MACF1: variants seen among roughly 807,000 people sequenced by gnomAD.
MACF1 encodes the protein microtubule-actin cross-linking factor 1.
Under a neutral mutation model 854.8 loss-of-function variants are expected in MACF1, and 193 were observed. The ratio of observed to expected loss-of-function variants is 0.23; its 90% CI spans 0.20 to 0.25. The LOEUF (loss-of-function observed/expected upper bound fraction) is 0.25, where lower values mean the gene tolerates loss of function less well. Ranked by LOEUF, MACF1 falls within the 10% of genes least tolerant of loss-of-function variation. The probability of loss-of-function intolerance (pLI) is 1.00; values close to 1 mark genes in which losing one functional copy is unlikely to be tolerated. For synonymous variants in MACF1, 3,185 were observed against 3,226.7 expected (o/e 0.99, Z 0.44); for missense variants, 7,722 against 8,929.1 (o/e 0.86, Z 5.45).
intron 7 of MACF1, among the ~76,000 whole-genome samples, chr1:39,282,828 G>A (rs890983542): frequency 4.6e-5 from 7 of 152,204 alleles, no homozygotes; most frequent in South Asian, 4.1e-4. Context: ...CTTGCTTAGA[G>A]TGGTTTAGGG....
intron 58 of MACF1, among the ~76,000 whole-genome samples, chr1:39,401,498 C>T (rs1257751748): frequency 6.6e-6 from 1 of 152,156 alleles, no homozygotes; most frequent in African/African-American, 2.4e-5. Context: ...CAGAAGCAAG[C>T]AGCTTAAAAT....
intron 48 of MACF1, 91 bp from the exon 49 acceptor site, chr1:39,361,269 C>A: frequency 7.8e-7 from 1 of 1,284,608 alleles, no homozygotes; most frequent in Non-Finnish European, 1.1e-6. Context: ...CCTCCAGTCC[C>A]CCTTGTGAGA....
intron 70 of MACF1, among the ~76,000 whole-genome samples, chr1:39,437,288 A>T (rs113233748): frequency 0.011 from 1,613 of 149,578 alleles, 25 homozygotes; most frequent in African/African-American, 0.037. Context: ...TGCCCAAAAC[A>T]GTTTTGTTGT....
At chr1:39,430,199 A>C (rs1247822983) in intron 65 of MACF1, 131 bp downstream of exon 65, 1 of 976,002 alleles carries the variant, frequency 1.0e-6, no homozygotes, top group African/African-American at 1.6e-5. Context: ...ATGGACAGTA[A>C]GATTTGACAT....
intron 91 of MACF1, chr1:39,459,720 G>A (rs1190926032): frequency 1.2e-5 from 8 of 673,180 alleles, no homozygotes; most frequent in South Asian, 5.8e-5. Flanking sequence ...CTATTTTGAA[G>A]TGTCATTACC....
chr1:39,233,032 TG>T (rs1644802700), intron 2 of MACF1, among the ~76,000 whole-genome samples: 3 of 84,834 alleles, frequency 3.5e-5, no homozygotes, highest in South Asian at 5.6e-4. Flanking sequence ...GTTGTTGTTG[TG>T]TTTTGTTTTT....
intron 2 of MACF1, among the ~76,000 whole-genome samples, chr1:39,169,773 CTTT>C (rs11335031): frequency 1.8e-4 from 18 of 97,488 alleles, no homozygotes; most frequent in Non-Finnish European, 2.0e-4. Context: ...TTCTTTCTTT[CTTT>C]TTTTTTTTTT....
rs534003944 is a variant in MACF1, at chr1:39,395,220, G to T, written c.15816+6562G>T. On this transcript the variant is annotated intron_variant, in intron 58 of 100. Transcript: ENST00000564288. ...TTTCTGACCTAGTAACTTCCCAGTT[G>T]TACAACTAAAAATGTCTCCCTGGAA... 2.0e-5 allele frequency among the ~76,000 whole-genome samples: 3 copies of T among 152,272 alleles called. No individual in the cohort carries two copies. The South Asian group carries it at 6.2e-4, about 32-fold the overall frequency.
At chr1:39,451,371 A>G (rs935584770) in intron 85 of MACF1, among the ~76,000 whole-genome samples, 160 bp downstream of exon 85, 8 of 152,218 alleles carry the variant, frequency 5.3e-5, no homozygotes, top group East Asian at 1.9e-4. Flanking sequence ...GAGATTCTGC[A>G]TTAGTCACAA....
intron 2 of MACF1, among the ~76,000 whole-genome samples, chr1:39,145,814 CT>C (rs1416153346): frequency 6.6e-6 from 1 of 152,186 alleles, no homozygotes. Flanking sequence ...TGATGACTCT[CT>C]TGTCAGAATC....
chr1:39,176,588 T>C (rs938354409), intron 2 of MACF1, among the ~76,000 whole-genome samples: 3 of 152,272 alleles, frequency 2.0e-5, no homozygotes, highest in South Asian at 4.1e-4. Flanking sequence ...CTGTAGAAAA[T>C]TTCTGCTTAT....
At chr1:39,297,329 A>G (rs571754631) in intron 20 of MACF1, among the ~76,000 whole-genome samples, 3 of 152,144 alleles carry the variant, frequency 2.0e-5, no homozygotes, top group Non-Finnish European at 4.4e-5. Context: ...CCACAGCCAA[A>G]TGCTGTACCT....
intron 2 of MACF1, among the ~76,000 whole-genome samples, chr1:39,089,504 T>C (rs1417104438): frequency 6.6e-6 from 1 of 152,194 alleles, no homozygotes; most frequent in African/African-American, 2.4e-5. Flanking sequence ...TATATTCACG[T>C]TCATTGTTCC....
At chr1:39,371,090 G>A (rs1649189920) in intron 51 of MACF1, among the ~76,000 whole-genome samples, 1 of 152,068 alleles carries the variant, frequency 6.6e-6, no homozygotes, top group Non-Finnish European at 1.5e-5. Flanking sequence ...GGAGGCCGAG[G>A]CGGGTGGATC....
rs781148187 is a variant in MACF1, at chr1:39,388,407, G to A, written c.15565G>A (p.Glu5189Lys). 8.1e-6 allele frequency: 13 copies of A among 1,614,136 alleles called. No homozygotes were observed. The highest frequency in any genetic ancestry group is 1.1e-5 in the Non-Finnish European group (13 of 1,180,010). The change falls in exon 58 of 101, where the codon GAA (glutamate) becomes AAA (lysine). Residue 5189 changes from glutamate (E) to lysine (K), a missense_variant. Transcript: ENST00000564288. ...AGCAGAGTGTCGACATATGCTAGAA[G>A]AAGAGGGGACTCTGGATTTGTTAGG... ...SEAECRHMLE[E>K]EGTLDLLGLK...
intron 58 of MACF1, among the ~76,000 whole-genome samples, chr1:39,417,809 C>T (rs1643384551): frequency 7.2e-6 from 1 of 138,268 alleles, no homozygotes; most frequent in African/African-American, 2.7e-5. Context: ...AACTCCTGAC[C>T]TCAGGTGATC....
chr1:39,351,170 A>T, intron 43 of MACF1, 152 bp downstream of exon 43: 1 of 585,678 alleles, frequency 1.7e-6, no homozygotes, highest in South Asian at 2.1e-5. Context: ...TTGTTTTTTG[A>T]GACGGAATCT....
rs1028430533 is a variant in MACF1 at position 39,479,870 on chromosome 1, C to G, written c.22031C>G (p.Pro7344Arg). 6.2e-7 allele frequency: 1 copy of G among 1,614,244 alleles called. No homozygotes were observed. The highest frequency in any genetic ancestry group is 8.5e-7 in the Non-Finnish European group (1 of 1,180,050). The change falls in exon 98 of 101, where the codon CCC becomes CGC. Residue 7344 changes from proline to arginine, a missense_variant. By Grantham distance (103) the Pro-to-Arg change is moderately radical. Coordinates refer to ENST00000564288, the MANE Select transcript of MACF1 (RefSeq NM_001394062.1). Reference protein sequence around the residue: ...LPEGASQGMTPFRSRGRRSKP... With the variant: ...LPEGASQGMTRFRSRGRRSKP... Reference sequence around the variant, plus strand: ...GAGGGAGCATCCCAGGGAATGACCCCCTTCCGCTCACGGGGTCGAAGGTCC... The same window carrying G: ...GAGGGAGCATCCCAGGGAATGACCCGCTTCCGCTCACGGGGTCGAAGGTCC...
At chr1:39,230,572 T>A (rs1390481902) in intron 1 of MACF1, among the ~76,000 whole-genome samples, 1 of 150,296 alleles carries the variant, frequency 6.7e-6, no homozygotes, top group East Asian at 2.0e-4. Flanking sequence ...AGTCATGTTT[T>A]TGTTAAAGAG....
Sources: allele counts gnomAD v4.1 joint callset (sites outside exome capture counted in the v4.1 genomes callset), GRCh38; gene constraint gnomAD v4.1.1; transcripts MANE v1.5; gene names NCBI Gene and HGNC (gene_info 2026-07-23, HGNC 2026-07-21).